USP54: variants seen among roughly 807,000 people sequenced by gnomAD.
USP54 encodes ubiquitin specific peptidase 54.
USP54 carries 87 observed loss-of-function variants against 170.5 expected under a neutral mutation model. The ratio of observed to expected loss-of-function variants is 0.51; its 90% CI spans 0.43 to 0.61. The LOEUF (loss-of-function observed/expected upper bound fraction) is 0.61. Among genes scored for constraint, USP54 ranks in the 20% least tolerant of loss-of-function variants. The pLI is 0.00. For missense variants in USP54, 1,786 were observed against 2,047.8 expected (o/e 0.87, Z 2.47); for synonymous variants, 655 against 742.8 (o/e 0.88, Z 1.92).
intron 4 of USP54, among the ~76,000 whole-genome samples, chr10:73,568,282 T>C (rs1337930471): frequency 1.3e-5 from 2 of 152,164 alleles, no homozygotes. Context: ...TGATGGCTCA[T>C]TTCAAGTTTA....
At chr10:73,501,872 CAA>C (rs1264853706) in intron 22 of USP54, among the ~76,000 whole-genome samples, 2 of 152,136 alleles carry the variant, frequency 1.3e-5, no homozygotes, top group Non-Finnish European at 2.9e-5. Flanking sequence ...GATCTCTAAT[CAA>C]AAGTTACTTC....
chr10:73,607,186 T>C (rs533196845), intron 1 of USP54, among the ~76,000 whole-genome samples: 4 of 151,856 alleles, frequency 2.6e-5, no homozygotes, highest in Non-Finnish European at 5.9e-5. Flanking sequence ...GGCATGCACC[T>C]GTAGTCCCAA....
chr10:73,570,625 C>T (rs2133791111), intron 4 of USP54, among the ~76,000 whole-genome samples: 1 of 149,594 alleles, frequency 6.7e-6, no homozygotes, highest in South Asian at 2.1e-4. Flanking sequence ...ATCAGAACTG[C>T]AGCTTTTAAC....
chr10:73,536,662 A>G (rs567354028), intron 10 of USP54, among the ~76,000 whole-genome samples: 1 of 152,352 alleles, frequency 6.6e-6, no homozygotes, highest in East Asian at 1.9e-4. Flanking sequence ...GGAGAATAAA[A>G]GAATGAATAA....
At chr10:73,615,699 T>C (rs2080567655) in intron 1 of USP54, among the ~76,000 whole-genome samples, 1 of 149,736 alleles carries the variant, frequency 6.7e-6, no homozygotes, top group South Asian at 2.1e-4. Context: ...GGCAGGCAGA[T>C]CGCTTGAGGT....
At chr10:73,523,038 T>C (rs72814312) in intron 17 of USP54, among the ~76,000 whole-genome samples, 3 of 152,192 alleles carry the variant, frequency 2.0e-5, no homozygotes, top group Admixed American at 1.3e-4. Flanking sequence ...CAAAGTGACA[T>C]CCTAAAAAAA....
chr10:73,539,501 G>T lies in USP54; in HGVS notation c.918C>A (p.Phe306Leu). The change falls in exon 10 of 24, where the codon TTC becomes TTA. Residue 306 changes from phenylalanine (F) to leucine (L), a missense_variant. Phe to Leu is a conservative substitution (Grantham distance 22). Around this residue, in one of 3 missense-constraint regions of USP54, gnomAD observed 361 missense variants for 455.0 expected, o/e 0.79. Coordinates refer to ENST00000687698, the MANE Select transcript of USP54 (RefSeq NM_001391956.1). ...ICYYGKHYST[F>L]FFQTKIRKWM... ...ATTTGCGAATCTTTGTTTGAAAAAAGAATGTAGAATAATGTTTGCCATAGT... is the reference window on the plus strand; with the variant it reads ...ATTTGCGAATCTTTGTTTGAAAAAATAATGTAGAATAATGTTTGCCATAGT... 6.2e-7 allele frequency: 1 copy of T among 1,610,048 alleles called. No homozygotes were observed. The highest frequency in any genetic ancestry group is 8.5e-7 in the Non-Finnish European group (1 of 1,177,476).
rs570885123 is a variant in USP54, at chr10:73,519,744, A to T, written c.2678+53T>A. On this transcript the variant is annotated intron_variant, in intron 19 of 23. Transcript: ENST00000687698. ...TGAGAGCTCTTGCTACAGAATACTC[A>T]TGGTCATTTCTTCCCCTGGCATTCA... 7.5e-6 allele frequency: 12 copies of T among 1,609,440 alleles called. No homozygotes were observed. In the African/African-American group the frequency reaches 1.2e-4, roughly 16 times the overall value.
chr10:73,591,798 T>C (rs574268966), upstream of USP54, among the ~76,000 whole-genome samples: 36 of 152,302 alleles, frequency 2.4e-4, no homozygotes, highest in African/African-American at 7.5e-4. Context: ...ACAACATTTT[T>C]GTAGTTGTTT....
At position 73,541,366 on chromosome 10, in the gene USP54, A is replaced by G. The variant is rs2066567586; in HGVS notation, c.825+9T>C. 1 of 1,613,814 alleles carries G rather than the reference A, an allele frequency of 6.2e-7. No individual in the cohort carries two copies. Among genetic ancestry groups the G allele is most frequent in the Non-Finnish European group, 8.5e-7 (1 of 1,179,942 alleles). On this transcript the variant is annotated intron_variant, in intron 9 of 23. Transcript: ENST00000687698. Reference sequence around the variant, plus strand: ...CTCAAAGTGAGAGATAAAGGTAACTAACACGCACATCACCCAGCTTAAGGC... The same window carrying G: ...CTCAAAGTGAGAGATAAAGGTAACTGACACGCACATCACCCAGCTTAAGGC...
At chr10:73,526,873 A>G in intron 15 of USP54, 93 bp from the exon 16 acceptor site, 1 of 1,386,478 alleles carries the variant, frequency 7.2e-7, no homozygotes, top group South Asian at 1.4e-5. Context: ...AAAAAAAATC[A>G]AACTACACAA....
intron 1 of USP54, among the ~76,000 whole-genome samples, chr10:73,590,623 A>G (rs1336116516): frequency 6.6e-6 from 1 of 152,218 alleles, no homozygotes; most frequent in Non-Finnish European, 1.5e-5. Context: ...TTTACTTTCA[A>G]AAGGATCATA....
intron 12 of USP54, among the ~76,000 whole-genome samples, chr10:73,533,825 G>T (rs2064588857): frequency 6.6e-6 from 1 of 152,116 alleles, no homozygotes; most frequent in Non-Finnish European, 1.5e-5. Flanking sequence ...TCATTCTTTT[G>T]CTTCTCTATC....
At chr10:73,599,114 C>T (rs918329406) in intron 1 of USP54, among the ~76,000 whole-genome samples, 7 of 152,048 alleles carry the variant, frequency 4.6e-5, no homozygotes, top group Non-Finnish European at 7.4e-5. Context: ...ACTGACTGCC[C>T]ATGGAAAAAA....
intron 1 of USP54, among the ~76,000 whole-genome samples, chr10:73,608,694 G>A (rs1431220474): frequency 6.6e-6 from 1 of 151,940 alleles, no homozygotes; most frequent in African/African-American, 2.4e-5. Context: ...CCAGGAGTTC[G>A]AGACCAGCCT....
Position 73,538,749 on chromosome 10 carries a change from C to T in USP54, c.975+695G>A, listed in dbSNP as rs1476940855. On this transcript the variant is annotated intron_variant, in intron 10 of 23. Transcript: ENST00000687698. Reference sequence around the variant, plus strand: ...ATTGCTTAAACCTGGAAAATAAAGGCTGCAGTGAGCCATTATCACGCCCCT... The same window carrying T: ...ATTGCTTAAACCTGGAAAATAAAGGTTGCAGTGAGCCATTATCACGCCCCT... Among the ~76,000 whole-genome samples, 4 of 152,134 alleles carry T rather than the reference C, an allele frequency of 2.6e-5. 1 individual carries two copies. In the South Asian group the frequency reaches 6.2e-4, roughly 24 times the overall value.
intron 1 of USP54, among the ~76,000 whole-genome samples, chr10:73,598,906 G>A (rs2078954159): frequency 6.6e-6 from 1 of 151,362 alleles, no homozygotes; most frequent in Non-Finnish European, 1.5e-5. Flanking sequence ...GCGACAGAGA[G>A]AGACTCTGTC....
chr10:73,545,119 C>T (rs557327728), intron 5 of USP54, among the ~76,000 whole-genome samples: 1 of 152,288 alleles, frequency 6.6e-6, no homozygotes, highest in South Asian at 2.1e-4. Context: ...TATAGCACAT[C>T]ACACTTATGC....
In USP54 at chr10:73,526,745, G is replaced by T. The variant is rs1280442201; in HGVS notation, c.2096C>A (p.Pro699His). 6.2e-7 allele frequency: 1 copy of T among 1,614,026 alleles called. No individual in the cohort carries two copies. Among genetic ancestry groups the T allele is most frequent in the South Asian group, 1.1e-5 (1 of 91,076 alleles). Residue 699 changes from proline (P) to histidine (H), a missense_variant, in exon 16 of 24, where the codon CCT (proline) becomes CAT (histidine). Around this residue, in one of 3 missense-constraint regions of USP54, gnomAD observed 1,418 missense variants for 1,569.0 expected, o/e 0.90. Coordinates refer to ENST00000687698, the MANE Select transcript of USP54 (RefSeq NM_001391956.1). ...PSAKRSAGLV[P>H]SWRHIPKSHS... Reference sequence around the variant, plus strand: ...CGACTTTGGGATATGACGCCAGGAAGGAACCAACCCAGCTGATCTCTTAGC... The same window carrying T: ...CGACTTTGGGATATGACGCCAGGAATGAACCAACCCAGCTGATCTCTTAGC...
Sources: gnomAD v4.1 joint callset for allele counts (sites outside exome capture counted in the v4.1 genomes callset) on GRCh38, gnomAD v4.1.1 for gene constraint, gnomAD v4.1.1 regional missense constraint, MANE v1.5 for transcripts, NCBI Gene and HGNC (gene_info 2026-07-23, HGNC 2026-07-21) for gene names.